GPC6: variants seen among roughly 807,000 people sequenced by gnomAD.
GPC6 encodes glypican-6.
GPC6 carries 14 observed loss-of-function variants against 55.2 expected under a neutral mutation model. The observed-to-expected ratio is 0.25, with a 90% CI of 0.17 to 0.40. The LOEUF (loss-of-function observed/expected upper bound fraction) is 0.40. GPC6 is among the 10% of genes least tolerant of loss of function. GPC6 has a pLI of 1.00. For missense variants in GPC6, 641 were observed against 708.5 expected (o/e 0.90, Z 1.08); for synonymous variants, 278 against 259.6 (o/e 1.07, Z -0.68).
chr13:94,224,430 A>C (rs1358432327), intron 4 of GPC6, among the ~76,000 whole-genome samples: 1 of 152,044 alleles, frequency 6.6e-6, no homozygotes, highest in Non-Finnish European at 1.5e-5. Context: ...TCCATCCCTA[A>C]TAAACTGAGG....
intron 3 of GPC6, among the ~76,000 whole-genome samples, chr13:93,996,600 T>G (rs1372745383): frequency 6.6e-6 from 1 of 152,100 alleles, no homozygotes; most frequent in African/African-American, 2.4e-5. Flanking sequence ...AAAAGCAAAC[T>G]GCTCTGCTTA....
intron 1 of GPC6, among the ~76,000 whole-genome samples, chr13:93,351,537 A>G (rs1170781149): frequency 6.6e-6 from 1 of 152,142 alleles, no homozygotes; most frequent in Admixed American, 6.6e-5. Context: ...TAGGATAACT[A>G]TAGTTAATAA....
chr13:93,997,893 G>C (rs958869736), intron 3 of GPC6, among the ~76,000 whole-genome samples: 1 of 152,170 alleles, frequency 6.6e-6, no homozygotes, highest in Non-Finnish European at 1.5e-5. Context: ...TCAGCGTTGA[G>C]ACATGGTTAC....
chr13:93,562,264 T>G (rs1360566144), intron 2 of GPC6, among the ~76,000 whole-genome samples: 1 of 152,134 alleles, frequency 6.6e-6, no homozygotes, highest in Non-Finnish European at 1.5e-5. Flanking sequence ...TGCCTTGTAA[T>G]TCGGCCTTAC....
intron 2 of GPC6, among the ~76,000 whole-genome samples, chr13:93,723,908 C>A (rs1487693635): frequency 6.6e-6 from 1 of 151,882 alleles, no homozygotes; most frequent in African/African-American, 2.4e-5. Context: ...TCTTTCCCAG[C>A]AATTCGGATC....
intron 1 of GPC6, among the ~76,000 whole-genome samples, chr13:93,442,052 T>C (rs1421081032): frequency 6.6e-6 from 1 of 152,034 alleles, no homozygotes; most frequent in African/African-American, 2.4e-5. Flanking sequence ...CAAAAGAAGA[T>C]AGATGATAAA....
chr13:93,677,695 A>G (rs931481124), intron 2 of GPC6, among the ~76,000 whole-genome samples: 1 of 152,154 alleles, frequency 6.6e-6, no homozygotes, highest in African/African-American at 2.4e-5. Context: ...TCTGTCATTA[A>G]TTATTGGTCA....
At chr13:93,938,317 CT>C (rs1351494549) in intron 3 of GPC6, among the ~76,000 whole-genome samples, 1 of 152,104 alleles carries the variant, frequency 6.6e-6, no homozygotes, top group African/African-American at 2.4e-5. Flanking sequence ...TAAAATATTA[CT>C]TAAATTCAAC....
chr13:93,506,791 G>A (rs1225873300), intron 1 of GPC6, among the ~76,000 whole-genome samples: 1 of 149,724 alleles, frequency 6.7e-6, no homozygotes, highest in African/African-American at 2.5e-5. Flanking sequence ...CTGTAATCCC[G>A]GCACTTTGGG....
chr13:93,578,506 T>A (rs1177333872), intron 2 of GPC6, among the ~76,000 whole-genome samples: 1 of 151,992 alleles, frequency 6.6e-6, no homozygotes, highest in South Asian at 2.1e-4. Flanking sequence ...TAGTCTCTAA[T>A]GATTCTTTGT....
intron 1 of GPC6, among the ~76,000 whole-genome samples, chr13:93,387,337 C>A (rs145363120): frequency 6.6e-6 from 1 of 152,062 alleles, no homozygotes; most frequent in Non-Finnish European, 1.5e-5. Flanking sequence ...CCCTCCACCC[C>A]CAACAGGCCC....
intron 2 of GPC6, among the ~76,000 whole-genome samples, chr13:93,618,907 A>C (rs1878836840): frequency 6.6e-6 from 1 of 152,154 alleles, no homozygotes; most frequent in Non-Finnish European, 1.5e-5. Flanking sequence ...TTGAGTATAC[A>C]TCTACAAACC....
chr13:93,456,027 G>A (rs1878440012), intron 1 of GPC6, among the ~76,000 whole-genome samples: 1 of 152,016 alleles, frequency 6.6e-6, no homozygotes, highest in South Asian at 2.1e-4. Flanking sequence ...ATGTGTTTAG[G>A]TGCTATCTCA....
At chr13:94,400,594 A>T (rs1881081917) in intron 8 of GPC6, among the ~76,000 whole-genome samples, 1 of 152,138 alleles carries the variant, frequency 6.6e-6, no homozygotes, top group East Asian at 1.9e-4. Context: ...ATGTCCCATT[A>T]AAAAAAGAAA....
chr13:94,289,565 T>C (rs901087064), intron 5 of GPC6, among the ~76,000 whole-genome samples: 1 of 152,176 alleles, frequency 6.6e-6, no homozygotes, highest in Non-Finnish European at 1.5e-5. Flanking sequence ...CTAATGTCAC[T>C]CACCGCCATA....
At chr13:93,320,406 A>G (rs1242243320) in intron 1 of GPC6, among the ~76,000 whole-genome samples, 2 of 151,926 alleles carry the variant, frequency 1.3e-5, no homozygotes, top group African/African-American at 4.8e-5. Flanking sequence ...TGCTCAAAGT[A>G]AAGGAGAGGG....
intron 1 of GPC6, among the ~76,000 whole-genome samples, chr13:93,372,616 A>T (rs1874718770): frequency 6.6e-6 from 1 of 152,218 alleles, no homozygotes; most frequent in African/African-American, 2.4e-5. Flanking sequence ...AAACAAGCAC[A>T]GATGAATTTA....
chr13:93,642,793 A>T (rs1309312551), intron 2 of GPC6, among the ~76,000 whole-genome samples: 1 of 152,104 alleles, frequency 6.6e-6, no homozygotes, highest in Admixed American at 6.6e-5. Context: ...AGCATAATTT[A>T]CTAGGAAAGA....
At chr13:93,981,928 T>C (rs1880821927) in intron 3 of GPC6, among the ~76,000 whole-genome samples, 1 of 152,208 alleles carries the variant, frequency 6.6e-6, no homozygotes, top group South Asian at 2.1e-4. Flanking sequence ...ACCCAATTTC[T>C]TATTTCATCA....
Sources: gnomAD v4.1 joint callset for allele counts (sites outside exome capture counted in the v4.1 genomes callset) on GRCh38, gnomAD v4.1.1 for gene constraint, MANE v1.5 for transcripts, NCBI Gene and HGNC (gene_info 2026-07-23, HGNC 2026-07-21) for gene names.